Variants in PDP1 observed in about 807,000 individuals in gnomAD.
PDP1 encodes the protein pyruvate dehyrogenase phosphatase catalytic subunit 1.
Under a neutral mutation model 37.1 loss-of-function variants are expected in PDP1, and 14 were observed. The ratio of observed to expected loss-of-function variants is 0.38; its 90% CI spans 0.25 to 0.59. The LOEUF is 0.59. PDP1 is among the 20% of genes least tolerant of loss of function. The probability of loss-of-function intolerance (pLI) is 0.67; values close to 1 mark genes in which losing one functional copy is unlikely to be tolerated. For synonymous variants in PDP1, 251 were observed against 243.3 expected (o/e 1.03, Z -0.29); for missense variants, 544 against 655.3 (o/e 0.83, Z 1.85).
At chr8:93,917,842 C>G in intron 1 of PDP1, 1 of 1,612,846 alleles carries the variant, frequency 6.2e-7, no homozygotes, top group South Asian at 1.1e-5. Context: ...TTTCAATGGG[C>G]CGGTGCTGCT....
At chr8:93,920,157 T>C (rs1810224145) in intron 1 of PDP1, among the ~76,000 whole-genome samples, 1 of 152,242 alleles carries the variant, frequency 6.6e-6, no homozygotes, top group Non-Finnish European at 1.5e-5. Context: ...TACTTTCTAC[T>C]ACTTGCAGAA....
At chr8:93,917,256 C>A (rs1810092997) in intron 1 of PDP1, 177 bp downstream of exon 1, 1 of 84,398 alleles carries the variant, frequency 1.2e-5, no homozygotes, top group African/African-American at 4.7e-5. Context: ...GCGGGCGTGG[C>A]GGCGCTGGGG....
intron 1 of PDP1, chr8:93,918,032 G>A (rs1320910793): frequency 4.2e-6 from 6 of 1,432,908 alleles, no homozygotes; most frequent in Non-Finnish European, 1.9e-6. Flanking sequence ...ATGAATCAGC[G>A]TGGTATTAAG....
chr8:93,920,081 A>G (rs1010536428), intron 1 of PDP1: 2 of 152,168 alleles, frequency 1.3e-5, no homozygotes, highest in African/African-American at 2.4e-5. Context: ...ATTACTTTCT[A>G]TTGCCTGATC....
chr8:93,921,847 T>C, intron 1 of PDP1, 169 bp from the exon 2 acceptor site: 1 of 554,794 alleles, frequency 1.8e-6, no homozygotes, highest in Non-Finnish European at 3.1e-6. Context: ...CCTGCCAGAA[T>C]ATACCCTGTA....
chr8:93,921,378 T>C (rs1810264202), intron 1 of PDP1: 3 of 969,450 alleles, frequency 3.1e-6, no homozygotes, highest in Non-Finnish European at 3.7e-6. Context: ...AGGAGAGAAA[T>C]ACTGGAATTT....
Position 93,922,542 on chromosome 8 carries a change from T to C in PDP1, c.483T>C (p.Tyr161=), listed in dbSNP as rs758829356. 87 of 1,613,876 alleles carry C rather than the reference T, an allele frequency of 5.4e-5. No homozygotes were observed. The highest frequency in any genetic ancestry group is 6.4e-5 in the Non-Finnish European group (76 of 1,180,034). Residue 161 remains tyrosine, a synonymous_variant, in exon 2 of 2, where the codon TAT becomes TAC. Coordinates refer to ENST00000297598, the MANE Select transcript of PDP1 (RefSeq NM_018444.4). This position sits in a 1 kb window ranked among gnomAD's most constrained non-coding sequence, Gnocchi z 4.0. The part of the protein sequence containing the change: ...CSQAVSERLF[Y]YIAVSLLPHE... Reference sequence around the variant, plus strand: ...AGGCAGTCAGTGAAAGACTCTTTTATTATATTGCTGTCTCTTTGTTACCCC... The same window carrying C: ...AGGCAGTCAGTGAAAGACTCTTTTACTATATTGCTGTCTCTTTGTTACCCC...
intron 1 of PDP1, chr8:93,918,087 G>C: frequency 1.1e-6 from 1 of 898,352 alleles, no homozygotes; most frequent in Non-Finnish European, 1.7e-6. Context: ...CTTGGATTGA[G>C]ATAGCTTTGA....
intron 1 of PDP1, among the ~76,000 whole-genome samples, chr8:93,918,516 G>GCATC (rs1206324402): frequency 1.3e-5 from 2 of 152,166 alleles, no homozygotes; most frequent in Non-Finnish European, 2.9e-5. Flanking sequence ...TGGTTGCAGT[G>GCATC]CATCTTTCTT....
chr8:93,923,329 A>G lies in PDP1; in HGVS notation c.1270A>G (p.Met424Val), dbSNP rs1260117347. ...GGCTACTGATGGGTTGTGGGAGACT[A>G]TGCATAGGCAGGATGTGGTTAGGAT... ...VLATDGLWET[M>V]HRQDVVRIVG... The change falls in exon 2 of 2, where the codon ATG becomes GTG. Residue 424 changes from methionine to valine, a missense_variant. Met to Val is a conservative substitution (Grantham distance 21). Transcript: ENST00000297598. This position sits in a 1 kb window ranked among gnomAD's most constrained non-coding sequence, Gnocchi z 4.3. 3 of 1,614,170 alleles carry G rather than the reference A, an allele frequency of 1.9e-6. No individual in the cohort carries two copies. Among genetic ancestry groups the G allele is most frequent in the Non-Finnish European group, 2.5e-6 (3 of 1,180,012 alleles).
chr8:93,922,752 T>C lies in PDP1; in HGVS notation c.693T>C (p.Asp231=), dbSNP rs761277113. Reference sequence around the variant, plus strand: ...ACACTGGTGAGTCGACTGATATTGATGTTAAGGAGGCTCTAATTAATGCCT... The same window carrying C: ...ACACTGGTGAGTCGACTGATATTGACGTTAAGGAGGCTCTAATTAATGCCT... The part of the protein sequence containing the change: ...DLNTGESTDI[D]VKEALINAFK... The change falls in exon 2 of 2, where the codon GAT becomes GAC. Residue 231 remains aspartate, a synonymous_variant. Coordinates refer to ENST00000297598, the MANE Select transcript of PDP1 (RefSeq NM_018444.4). The surrounding 1 kb of genome is among the most constrained non-coding windows in gnomAD (Gnocchi z 4.0). 9.3e-6 allele frequency: 15 copies of C among 1,614,180 alleles called. No homozygotes were observed. The South Asian group carries it at 1.1e-4, about 12-fold the overall frequency.
intron 1 of PDP1, 67 bp downstream of exon 1, chr8:93,917,146 AG>A: frequency 2.3e-6 from 1 of 429,940 alleles, no homozygotes; most frequent in South Asian, 1.7e-5. Flanking sequence ...CAAAGTTGTG[AG>A]GGGGCGCCGG....
At chr8:93,921,527 A>G (rs749291477) in intron 1 of PDP1, among the ~76,000 whole-genome samples, 29 of 152,362 alleles carry the variant, frequency 1.9e-4, no homozygotes, top group Non-Finnish European at 1.9e-4. Context: ...GGTCATAGCC[A>G]TGTGTAATCA....
chr8:93,920,955 C>A (rs1040649004), intron 1 of PDP1: 3 of 983,626 alleles, frequency 3.0e-6, no homozygotes, highest in Non-Finnish European at 3.6e-6. Context: ...GAAAATACTT[C>A]TATGGGTTTT....
intron 1 of PDP1, 154 bp from the exon 2 acceptor site, chr8:93,921,862 T>C: frequency 1.7e-6 from 1 of 572,824 alleles, no homozygotes; most frequent in Admixed American, 3.3e-5. Flanking sequence ...CCTGTAGAAA[T>C]AGTACATGAT....
At chr8:93,920,781 T>A in intron 1 of PDP1, 3 of 784,086 alleles carry the variant, frequency 3.8e-6, no homozygotes, top group Non-Finnish European at 4.6e-6. Flanking sequence ...AATTTATTTT[T>A]AATTTACAAT....
In PDP1 at chr8:93,923,297, T is replaced by C; in HGVS notation, c.1238T>C (p.Leu413Pro). 2 of 1,614,208 alleles carry C rather than the reference T, an allele frequency of 1.2e-6. No homozygotes were observed. Among genetic ancestry groups the C allele is most frequent in the Non-Finnish European group, 1.7e-6 (2 of 1,180,026 alleles). The change falls in exon 2 of 2, where the codon CTG becomes CCG. Residue 413 changes from leucine (L) to proline (P), a missense_variant. Coordinates refer to ENST00000297598, the MANE Select transcript of PDP1 (RefSeq NM_018444.4). The surrounding 1 kb of genome is among the most constrained non-coding windows in gnomAD (Gnocchi z 4.3). The stretch of plus-strand genomic sequence containing the variant: ...CGATTAAGGCCACAGGATAAGTTTC[T>C]GGTGTTGGCTACTGATGGGTTGTGG... Reference protein sequence around the residue: ...YHRLRPQDKFLVLATDGLWET... With the variant: ...YHRLRPQDKFPVLATDGLWET...
At position 93,922,272 on chromosome 8, in the gene PDP1, T is replaced by C. The variant is rs1341527454; in HGVS notation, c.213T>C (p.Tyr71=). ...NWWQYTQGRR[Y]ASTPQKFYLT... Reference sequence around the variant, plus strand: ...GGCAGTACACCCAAGGAAGGAGATATGCTTCCACACCACAGAAATTTTACC... The same window carrying C: ...GGCAGTACACCCAAGGAAGGAGATACGCTTCCACACCACAGAAATTTTACC... The change falls in exon 2 of 2, where the codon TAT becomes TAC. Residue 71 remains tyrosine, a synonymous_variant. Coordinates refer to ENST00000297598, the MANE Select transcript of PDP1 (RefSeq NM_018444.4). The surrounding 1 kb of genome is among the most constrained non-coding windows in gnomAD (Gnocchi z 4.0). 3.7e-6 allele frequency: 6 copies of C among 1,614,128 alleles called. No individual in the cohort carries two copies. Among genetic ancestry groups the C allele is most frequent in the South Asian group, 3.3e-5 (3 of 91,092 alleles).
intron 1 of PDP1, chr8:93,921,454 T>TGC: frequency 1.5e-5 from 6 of 389,802 alleles, no homozygotes; most frequent in Non-Finnish European, 1.8e-5. Flanking sequence ...TGTAGTCATA[T>TGC]ATGTATATGA....
Sources: gnomAD v4.1 joint callset for allele counts (sites outside exome capture counted in the v4.1 genomes callset) on GRCh38, gnomAD v4.1.1 for gene constraint, Gnocchi (gnomAD v3.1) non-coding constraint, MANE v1.5 for transcripts, NCBI Gene and HGNC (gene_info 2026-07-23, HGNC 2026-07-21) for gene names.